SDK1: variants seen among roughly 807,000 people sequenced by gnomAD.
SDK1 encodes sidekick cell adhesion molecule 1.
A neutral mutation model predicts 245.5 loss-of-function variants in SDK1; 157 were observed. The ratio of observed to expected loss-of-function variants is 0.64; its 90% CI spans 0.56 to 0.73. SDK1 has a LOEUF of 0.73. SDK1 is among the 30% of genes least tolerant of loss of function. The pLI, the probability that SDK1 is intolerant of heterozygous loss-of-function variation, is 0.00. For missense variants in SDK1, 3,583 were observed against 3,002.3 expected, an observed-to-expected ratio of 1.19 and a Z score of -4.52; for synonymous variants, 1,647 against 1,278.5, an observed-to-expected ratio of 1.29 and a Z score of -6.15.
chr7:3,912,404 T>C (rs1201690913), intron 5 of SDK1, among the ~76,000 whole-genome samples: 1 of 152,250 alleles, frequency 6.6e-6, no homozygotes, highest in Non-Finnish European at 1.5e-5. Context: ...TCAGTGTTTT[T>C]GCATGACCAA....
chr7:3,402,800 T>C (rs1237501582), intron 1 of SDK1, among the ~76,000 whole-genome samples: 2 of 152,234 alleles, frequency 1.3e-5, no homozygotes, highest in Non-Finnish European at 2.9e-5. Flanking sequence ...TATTCTACAC[T>C]CAACAGTAGA....
At chr7:3,690,563 G>A (rs185969093) in intron 4 of SDK1, among the ~76,000 whole-genome samples, 51 of 152,136 alleles carry the variant, frequency 3.4e-4, no homozygotes, top group African/African-American at 1.1e-3. Flanking sequence ...TAAATCTTGC[G>A]TCGAGTGGCC....
chr7:4,091,335 T>TTTTCTTTTCTTTTTTC (rs60924958), intron 22 of SDK1, among the ~76,000 whole-genome samples: 1 of 93,332 alleles, frequency 1.1e-5, no homozygotes, highest in African/African-American at 5.9e-5. Flanking sequence ...TTTTCTTTTC[T>TTTTCTTTTCTTTTTTC]TTTTTTTTTT....
chr7:3,673,281 G>A (rs779986038), intron 4 of SDK1, among the ~76,000 whole-genome samples: 1 of 152,166 alleles, frequency 6.6e-6, no homozygotes, highest in African/African-American at 2.4e-5. Context: ...CATGGGGGCG[G>A]TTCATGATCA....
intron 38 of SDK1, among the ~76,000 whole-genome samples, chr7:4,214,456 G>C (rs1392807077): frequency 1.3e-5 from 2 of 152,198 alleles, no homozygotes; most frequent in Non-Finnish European, 2.9e-5. Flanking sequence ...GCGAAGGGCT[G>C]GTTCCTTCAT....
chr7:4,200,107 A>G (rs939706993), intron 35 of SDK1, among the ~76,000 whole-genome samples: 4 of 152,082 alleles, frequency 2.6e-5, no homozygotes, highest in Admixed American at 6.6e-5. Context: ...CACCCCACAA[A>G]AAAAGGCCAG....
intron 20 of SDK1, among the ~76,000 whole-genome samples, chr7:4,073,302 G>T (rs947784316): frequency 6.6e-6 from 1 of 152,180 alleles, no homozygotes; most frequent in African/African-American, 2.4e-5. Flanking sequence ...CCACCACTCT[G>T]TCTGTGCTCA....
Position 3,739,691 on chromosome 7 carries a change from A to G in SDK1, c.714-81759A>G, listed in dbSNP as rs114592881. ...CTCATACTTTAATTCTTTAGAAATT[A>G]TTTATCTTTTAAAATATAATTAGGA... On this transcript the variant is annotated intron_variant, in intron 4 of 44. Coordinates refer to ENST00000404826, the MANE Select transcript of SDK1 (RefSeq NM_152744.4). Among the ~76,000 whole-genome samples, 618 of 152,256 alleles carry G rather than the reference A, an allele frequency of 4.1e-3. 5 individuals are homozygous for G. Among genetic ancestry groups the G allele is most frequent in the African/African-American group, 0.015 (603 of 41,570 alleles).
At chr7:3,631,647 T>C (rs1246385530) in intron 2 of SDK1, among the ~76,000 whole-genome samples, 1 of 152,246 alleles carries the variant, frequency 6.6e-6, no homozygotes, top group East Asian at 1.9e-4. Flanking sequence ...TGACTGCTTT[T>C]TGGAACTCTG....
intron 14 of SDK1, among the ~76,000 whole-genome samples, chr7:3,997,513 C>T (rs4540321): frequency 0.13 from 19,344 of 151,890 alleles, 1,543 homozygotes; most frequent in Non-Finnish European, 0.19. Flanking sequence ...TGCGGCTGGT[C>T]GTCCCAGCAT....
intron 4 of SDK1, among the ~76,000 whole-genome samples, chr7:3,650,705 C>G (rs1428759691): frequency 6.6e-6 from 1 of 152,172 alleles, no homozygotes; most frequent in Non-Finnish European, 1.5e-5. Flanking sequence ...CTACTTTCCT[C>G]TTGCCCTCAT....
At chr7:3,633,139 C>G (rs892018764) in intron 2 of SDK1, among the ~76,000 whole-genome samples, 4 of 151,742 alleles carry the variant, frequency 2.6e-5, no homozygotes, top group African/African-American at 9.7e-5. Flanking sequence ...TATTATAGAA[C>G]TTGGTTGCTT....
intron 1 of SDK1, among the ~76,000 whole-genome samples, chr7:3,453,304 C>G (rs994494533): frequency 2.0e-5 from 3 of 152,194 alleles, no homozygotes; most frequent in Non-Finnish European, 2.9e-5. Context: ...ATGCAGAGCC[C>G]TGGTCCCCTG....
At chr7:3,701,451 C>T (rs1784736916) in intron 4 of SDK1, among the ~76,000 whole-genome samples, 1 of 152,016 alleles carries the variant, frequency 6.6e-6, no homozygotes, top group Admixed American at 6.6e-5. Flanking sequence ...AAAGATTGTT[C>T]TAGTTGGGAG....
Position 4,265,110 on chromosome 7 carries a change from C to G in SDK1, c.6382-14C>G. The G allele has an allele frequency of 1.2e-6, 2 of 1,607,772 alleles. No individual in the cohort carries two copies. Among genetic ancestry groups the G allele is most frequent in the Non-Finnish European group, 8.5e-7 (1 of 1,178,760 alleles). On this transcript the variant is annotated splice_polypyrimidine_tract_variant and intron_variant, in intron 44 of 44. Coordinates refer to ENST00000404826, the MANE Select transcript of SDK1 (RefSeq NM_152744.4). Reference sequence around the variant, plus strand: ...CCTGCCCTGCACTCACACCTTCTCTCCCGCTCCCCGCAGGCCACGGACTCT... The same window carrying G: ...CCTGCCCTGCACTCACACCTTCTCTGCCGCTCCCCGCAGGCCACGGACTCT...
In SDK1 at chr7:4,077,208, G is replaced by C. The variant is rs115108058; in HGVS notation, c.3202+19G>C. The C allele has an allele frequency of 6.2e-7, 1 of 1,609,472 alleles. No homozygotes were observed. Among genetic ancestry groups the C allele is most frequent in the African/African-American group, 1.3e-5 (1 of 74,948 alleles). On this transcript the variant is annotated intron_variant, in intron 21 of 44. Transcript: ENST00000404826. Reference sequence around the variant, plus strand: ...CCCCCAGGTCAGTAGAATCGTGTGCGGTCCTCCTGCTGTCACCTTTCTCTT... The same window carrying C: ...CCCCCAGGTCAGTAGAATCGTGTGCCGTCCTCCTGCTGTCACCTTTCTCTT...
At chr7:4,177,962 T>C (rs1295082956) in intron 34 of SDK1, among the ~76,000 whole-genome samples, 1 of 151,206 alleles carries the variant, frequency 6.6e-6, no homozygotes, top group African/African-American at 2.4e-5. Flanking sequence ...AGCCAGGTTG[T>C]GCAAGGCATA....
intron 17 of SDK1, among the ~76,000 whole-genome samples, chr7:4,044,363 C>T (rs968435428): frequency 6.6e-6 from 1 of 152,230 alleles, no homozygotes; most frequent in Non-Finnish European, 1.5e-5. Context: ...ATTGGTCAAG[C>T]AGTCTCAGAG....
intron 33 of SDK1, among the ~76,000 whole-genome samples, chr7:4,174,763 T>C (rs1782082564): frequency 6.6e-6 from 1 of 152,116 alleles, no homozygotes; most frequent in South Asian, 2.1e-4. Context: ...GTGGAGCCCA[T>C]GGTGCTCACC....
Sources: allele counts gnomAD v4.1 joint callset (sites outside exome capture counted in the v4.1 genomes callset), GRCh38; gene constraint gnomAD v4.1.1; transcripts MANE v1.5; gene names NCBI Gene and HGNC (gene_info 2026-07-23, HGNC 2026-07-21).